PDE3A: variants seen among roughly 807,000 people sequenced by gnomAD.
The protein encoded by PDE3A is phosphodiesterase 3A, also known as cGMP-inhibited 3',5'-cyclic phosphodiesterase 3A.
Under a neutral mutation model 98.3 loss-of-function variants are expected in PDE3A, and 43 were observed. That is an observed-to-expected ratio of 0.44 (90% CI 0.34 to 0.56). PDE3A has a LOEUF of 0.56. Ranked by LOEUF, PDE3A falls within the 20% of genes least tolerant of loss-of-function variation. The probability of loss-of-function intolerance (pLI) is 0.01; values close to 1 mark genes in which losing one functional copy is unlikely to be tolerated. For missense variants in PDE3A, 1,427 were observed against 1,440.7 expected (o/e 0.99, Z 0.15); for synonymous variants, 663 against 567.9 (o/e 1.17, Z -2.38).
In PDE3A at chr12:20,375,964, A is replaced by T. The variant is rs143436002; in HGVS notation, c.960+5720A>T. 2.1e-3 allele frequency among the ~76,000 whole-genome samples: 322 copies of T among 152,034 alleles called. 1 individual carries two copies. Among genetic ancestry groups the T allele is most frequent in the African/African-American group, 7.4e-3 (307 of 41,544 alleles). ...TTTTCAGAAGGTCCTCAACACATAG[A>T]TGGTTAAACATAAATGGCTTAGATT... On this transcript the variant is annotated intron_variant, in intron 1 of 15. Coordinates refer to ENST00000359062, the MANE Select transcript of PDE3A (RefSeq NM_000921.5).
At chr12:20,617,461 A>T (rs1944033463) in intron 4 of PDE3A, among the ~76,000 whole-genome samples, 2 of 152,170 alleles carry the variant, frequency 1.3e-5, no homozygotes, top group African/African-American at 4.8e-5. Flanking sequence ...TGTAAATGAG[A>T]CAAGAAGAGA....
At chr12:20,679,930 TG>T in intron 15 of PDE3A, 99 bp from the exon 16 acceptor site, 2 of 394,842 alleles carry the variant, frequency 5.1e-6, no homozygotes, top group Non-Finnish European at 8.8e-6. Context: ...AATAAGGTTA[TG>T]GATTAACTCC....
rs974083516 is a variant in PDE3A, at chr12:20,457,417, C to A, written c.960+87173C>A. 9.2e-5 allele frequency among the ~76,000 whole-genome samples: 14 copies of A among 151,402 alleles called. No individual in the cohort carries two copies. In the East Asian group the frequency reaches 2.5e-3, roughly 27 times the overall value. On this transcript the variant is annotated intron_variant, in intron 1 of 15. Coordinates refer to ENST00000359062, the MANE Select transcript of PDE3A (RefSeq NM_000921.5). ...TATTTCACTTATGGATGAAACAAGG[C>A]GTATATGAAATAAAATTTATACATA...
intron 1 of PDE3A, among the ~76,000 whole-genome samples, chr12:20,435,513 AT>A (rs1296523908): frequency 6.6e-6 from 1 of 152,092 alleles, no homozygotes; most frequent in Non-Finnish European, 1.5e-5. Context: ...GTCAAAGAAA[AT>A]TTGTCTGGGA....
chr12:20,547,983 T>C (rs1942098878), intron 1 of PDE3A, among the ~76,000 whole-genome samples: 1 of 152,110 alleles, frequency 6.6e-6, no homozygotes, highest in Non-Finnish European at 1.5e-5. Context: ...AGCAGTTTTG[T>C]TTTCCTTGGA....
intron 1 of PDE3A, among the ~76,000 whole-genome samples, chr12:20,493,915 C>T (rs1220434479): frequency 6.6e-6 from 1 of 152,212 alleles, no homozygotes; most frequent in Non-Finnish European, 1.5e-5. Flanking sequence ...CAGGCGTGAG[C>T]CAGCACGCCT....
intron 1 of PDE3A, among the ~76,000 whole-genome samples, chr12:20,456,563 T>G (rs575987413): frequency 6.6e-6 from 1 of 152,150 alleles, no homozygotes; most frequent in African/African-American, 2.4e-5. Context: ...AGACCAGAGT[T>G]CCAGTAATTA....
intron 15 of PDE3A, among the ~76,000 whole-genome samples, chr12:20,675,171 C>A (rs574696501): frequency 6.6e-6 from 1 of 151,944 alleles, no homozygotes; most frequent in Non-Finnish European, 1.5e-5. Flanking sequence ...CTCTTTGACC[C>A]AAAGGTCATT....
At chr12:20,593,503 T>C (rs1485311702) in intron 2 of PDE3A, among the ~76,000 whole-genome samples, 2 of 150,970 alleles carry the variant, frequency 1.3e-5, no homozygotes, top group African/African-American at 2.4e-5. Flanking sequence ...CCTCGTGTGA[T>C]ATAATGAGAG....
intron 1 of PDE3A, among the ~76,000 whole-genome samples, chr12:20,555,823 G>A (rs2121269202): frequency 6.6e-6 from 1 of 152,186 alleles, no homozygotes. Flanking sequence ...TGTTGCTATT[G>A]TGAACAGTTG....
At position 20,680,192 on chromosome 12, in the gene PDE3A, T is replaced by A. The variant is rs770762716; in HGVS notation, c.3347T>A (p.Ile1116Asn). The A allele has an allele frequency of 2.5e-6, 4 of 1,613,396 alleles. No homozygotes were observed. The South Asian group carries it at 4.4e-5, about 18-fold the overall frequency. The change falls in exon 16 of 16, where the codon ATC (isoleucine) becomes AAC (asparagine). Residue 1116 changes from isoleucine (I) to asparagine (N), a missense_variant. Physicochemically the swap from Ile to Asn is moderately radical, Grantham distance 149. This residue lies in a region of PDE3A where 142 missense variants were observed against 133.9 expected (regional missense o/e 1.06). Transcript: ENST00000359062. ...CCTCAGTCGCACTCTTCAGAACAGA[T>A]CCAGGCTATCAAGGAAGAAGAAGAA... ...QTPQSHSSEQ[I>N]QAIKEEEEEK...
chr12:20,414,211 A>C (rs1591905570), intron 1 of PDE3A, among the ~76,000 whole-genome samples: 2 of 152,346 alleles, frequency 1.3e-5, no homozygotes, highest in Middle Eastern at 6.8e-3. Context: ...TCATCCCTCC[A>C]CAAATGGCCA....
At chr12:20,459,684 C>A (rs1945214503) in intron 1 of PDE3A, among the ~76,000 whole-genome samples, 1 of 152,104 alleles carries the variant, frequency 6.6e-6, no homozygotes, top group African/African-American at 2.4e-5. Context: ...ATATATACTT[C>A]AAAAGTTTTC....
chr12:20,492,983 C>T (rs1945855170), intron 1 of PDE3A, among the ~76,000 whole-genome samples: 1 of 152,126 alleles, frequency 6.6e-6, no homozygotes, highest in Non-Finnish European at 1.5e-5. Flanking sequence ...TTCCTAGTAA[C>T]TCTGTGCTTT....
intron 1 of PDE3A, among the ~76,000 whole-genome samples, chr12:20,422,938 GTTATA>G (rs1043594295): frequency 6.6e-6 from 1 of 152,060 alleles, no homozygotes; most frequent in African/African-American, 2.4e-5. Context: ...TATCTAATTT[GTTATA>G]TTATGTTACA....
intron 6 of PDE3A, 75 bp downstream of exon 6, chr12:20,630,202 C>A: frequency 9.3e-7 from 1 of 1,076,630 alleles, no homozygotes; most frequent in Non-Finnish European, 1.4e-6. Context: ...CTACCACCAG[C>A]CCACGCAGCT....
chr12:20,386,085 A>ATATATAAATG, intron 1 of PDE3A, among the ~76,000 whole-genome samples: 2 of 35,870 alleles, frequency 5.6e-5, no homozygotes, highest in African/African-American at 8.8e-5. Flanking sequence ...ATATATAAAT[A>ATATATAAATG]TATAAATATA....
chr12:20,373,158 A>G (rs559463473), intron 1 of PDE3A, among the ~76,000 whole-genome samples: 6 of 152,264 alleles, frequency 3.9e-5, no homozygotes, highest in African/African-American at 7.2e-5. Flanking sequence ...TTAAAGAACT[A>G]TAAAGTTTGT....
intron 1 of PDE3A, among the ~76,000 whole-genome samples, chr12:20,484,782 T>C (rs1565564035): frequency 6.6e-6 from 1 of 152,190 alleles, no homozygotes; most frequent in Non-Finnish European, 1.5e-5. Context: ...ACATAACTAA[T>C]AATGGTCATT....
Sources: gnomAD v4.1 joint callset for allele counts (sites outside exome capture counted in the v4.1 genomes callset) on GRCh38, gnomAD v4.1.1 for gene constraint, gnomAD v4.1.1 regional missense constraint, MANE v1.5 for transcripts, NCBI Gene and HGNC (gene_info 2026-07-23, HGNC 2026-07-21) for gene names.